The following INTS7 variants were observed in gnomAD, a reference collection of about 807,000 sequenced individuals.
INTS7 encodes the protein integrator complex subunit 7.
Under a neutral mutation model 109.2 loss-of-function variants are expected in INTS7, and 46 were observed. That is an observed-to-expected ratio of 0.42 (90% confidence interval 0.33 to 0.54). The LOEUF (loss-of-function observed/expected upper bound fraction) is 0.54. Among genes scored for constraint, INTS7 ranks in the 20% least tolerant of loss-of-function variants. The probability of loss-of-function intolerance (pLI) is 0.07; values close to 1 mark genes in which losing one functional copy is unlikely to be tolerated. For synonymous variants in INTS7, 412 were observed against 402.9 expected (o/e 1.02, Z -0.27); for missense variants, 929 against 1,132.4 (o/e 0.82, Z 2.58).
At chr1:212,034,083 C>CA (rs543529557) in intron 1 of INTS7, among the ~76,000 whole-genome samples, 22 of 145,932 alleles carry the variant, frequency 1.5e-4, no homozygotes, top group East Asian at 5.9e-4. Context: ...ACTCTGTCTC[C>CA]AAAAAAAAAG....
intron 5 of INTS7, among the ~76,000 whole-genome samples, chr1:212,009,053 A>C (rs1666055662): frequency 6.6e-6 from 1 of 152,158 alleles, no homozygotes; most frequent in African/African-American, 2.4e-5. Context: ...TTGTGTTTAC[A>C]GGCATCTTTA....
chr1:211,981,222 C>A, intron 9 of INTS7, 32 bp from the exon 10 acceptor site: 2 of 1,385,816 alleles, frequency 1.4e-6, no homozygotes, highest in South Asian at 2.3e-5. Flanking sequence ...TTATGATGGT[C>A]AAGTGATGTG....
chr1:211,962,436 G>A (rs1663676954), intron 16 of INTS7, among the ~76,000 whole-genome samples: 1 of 152,140 alleles, frequency 6.6e-6, no homozygotes, highest in East Asian at 1.9e-4. Context: ...ATAATGGTGA[G>A]AGAATTCAAC....
intron 16 of INTS7, 23 bp downstream of exon 16, chr1:211,966,407 A>C: frequency 1.5e-6 from 2 of 1,345,170 alleles, no homozygotes; most frequent in South Asian, 1.2e-5. Context: ...TGTAACGCCA[A>C]CTATTATTAA....
At chr1:211,984,708 C>T (rs955856601) in intron 8 of INTS7, among the ~76,000 whole-genome samples, 1 of 152,074 alleles carries the variant, frequency 6.6e-6, no homozygotes, top group African/African-American at 2.4e-5. Context: ...GTTTTCCTCC[C>T]CCACCCAATG....
chr1:211,993,684 A>C lies in INTS7; in HGVS notation c.880-5681T>G, dbSNP rs1329551906. On this transcript the variant is annotated intron_variant, in intron 7 of 19. Transcript: ENST00000366994. ...GACAGGGTGAGACTAAAACTCAAAA[A>C]AAAAAAAAAAAAAAGACTACAGCAT... 5.9e-5 allele frequency among the ~76,000 whole-genome samples: 9 copies of C among 151,684 alleles called. No homozygotes were observed. The East Asian group carries it at 1.7e-3, about 29-fold the overall frequency.
At chr1:211,948,891 G>A (rs1662960327) in intron 17 of INTS7, among the ~76,000 whole-genome samples, 1 of 152,304 alleles carries the variant, frequency 6.6e-6, no homozygotes, top group African/African-American at 2.4e-5. Flanking sequence ...ATTTTTAGTA[G>A]AGACAGGGTT....
At chr1:211,963,262 A>T (rs1429301953) in intron 16 of INTS7, among the ~76,000 whole-genome samples, 1 of 152,148 alleles carries the variant, frequency 6.6e-6, no homozygotes, top group Non-Finnish European at 1.5e-5. Flanking sequence ...ATTCCTGAAC[A>T]TACACTCTCT....
rs567584947 is a variant in INTS7 at position 211,967,616 on chromosome 1, T to C, written c.2114+262A>G. Among the ~76,000 whole-genome samples the C allele has an allele frequency of 3.6e-4, 55 of 152,284 alleles. 2 individuals are homozygous for C. In the South Asian group the frequency reaches 0.011, roughly 30 times the overall value. ...CTGTTGTAGCTCAAGTGAGCACAGG[T>C]AAGCAACACTGGCTTTGGATGTTGC... On this transcript the variant is annotated intron_variant, in intron 15 of 19. Transcript: ENST00000366994.
rs1244297282 is a variant in INTS7, at chr1:211,946,717, AAG to A, written c.2317-14_2317-13del. 5 of 1,572,760 alleles carry A rather than the reference AAG, an allele frequency of 3.2e-6. No homozygotes were observed. The East Asian group carries it at 1.1e-4, about 35-fold the overall frequency. On this transcript the variant is annotated splice_polypyrimidine_tract_variant and intron_variant, in intron 17 of 19. Transcript: ENST00000366994. This position sits in a 1 kb window ranked among gnomAD's most constrained non-coding sequence, Gnocchi z 4.3. ...AGGCATGCTGTGTGCTGGGGGAAAA[AAG>A]AAACTAAATCAAATAAAAATAAATT...
chr1:211,982,800 A>G lies in INTS7; in HGVS notation c.1008T>C (p.Ser336=). 6.2e-7 allele frequency: 1 copy of G among 1,604,194 alleles called. No homozygotes were observed. Among genetic ancestry groups the G allele is most frequent in the Non-Finnish European group, 8.5e-7 (1 of 1,175,304 alleles). ...HYFSIVPGNV[S]SSPRSSDLVK... is the part of the protein sequence containing the mutation. ...CTAAATCAGAAGATCTGGGAGAAGA[A>G]CTCACATTTCCTAAAAAAGCAGAGA... Residue 336 remains serine, a synonymous_variant, in exon 9 of 20, where the codon AGT becomes AGC. Transcript: ENST00000366994.
In INTS7 at chr1:211,976,624, A is replaced by G; in HGVS notation, c.1566T>C (p.Asn522=). ...VIKQQLESVS[N]GWTVYRIARQ... is the part of the protein sequence containing the mutation. ...TGGCAATACGGTATACAGTCCATCCATTGGAGACACTTTCAAGCTGCTGCT... is the reference window on the plus strand; with the variant it reads ...TGGCAATACGGTATACAGTCCATCCGTTGGAGACACTTTCAAGCTGCTGCT... The change falls in exon 12 of 20, where the codon AAT becomes AAC. Residue 522 remains asparagine, a synonymous_variant. Coordinates refer to ENST00000366994, the MANE Select transcript of INTS7 (RefSeq NM_015434.4). 4 of 1,614,084 alleles carry G rather than the reference A, an allele frequency of 2.5e-6. No homozygotes were observed. The highest frequency in any genetic ancestry group is 2.2e-5 in the East Asian group (1 of 44,868).
chr1:211,951,318 T>A (rs780452019), intron 17 of INTS7, among the ~76,000 whole-genome samples: 2 of 151,980 alleles, frequency 1.3e-5, no homozygotes, highest in Non-Finnish European at 2.9e-5. Flanking sequence ...TTTGGTTGGT[T>A]TTTTTTTGAG....
At chr1:211,966,392 T>C (rs1488395003) in intron 16 of INTS7, 38 bp downstream of exon 16, 6 of 1,121,876 alleles carry the variant, frequency 5.3e-6, no homozygotes, top group Non-Finnish European at 8.1e-6. Flanking sequence ...GTATAGAAAG[T>C]GTTCTGTAAC....
chr1:211,955,133 G>T (rs1372979696), intron 16 of INTS7, among the ~76,000 whole-genome samples: 2 of 152,060 alleles, frequency 1.3e-5, no homozygotes, highest in East Asian at 3.9e-4. Flanking sequence ...GGATTCCTAG[G>T]TATTTTATTC....
At chr1:212,021,004 C>T in intron 2 of INTS7, 79 bp downstream of exon 2, 1 of 1,359,634 alleles carries the variant, frequency 7.4e-7, no homozygotes, top group Non-Finnish European at 1.0e-6. Flanking sequence ...TACTAAAAGG[C>T]AAAAAGAAAA....
intron 17 of INTS7, among the ~76,000 whole-genome samples, chr1:211,949,169 CTTT>C (rs1307438791): frequency 6.6e-6 from 1 of 152,182 alleles, no homozygotes. Flanking sequence ...AGAGCCTCTT[CTTT>C]TGTGTGTTCC....
chr1:211,998,115 T>C (rs1396065105), intron 7 of INTS7, among the ~76,000 whole-genome samples: 1 of 152,196 alleles, frequency 6.6e-6, no homozygotes, highest in Non-Finnish European at 1.5e-5. Flanking sequence ...TATACCACTA[T>C]GCCTAGCTGA....
chr1:212,009,089 T>C (rs759021574), intron 5 of INTS7, among the ~76,000 whole-genome samples: 3 of 152,072 alleles, frequency 2.0e-5, no homozygotes, highest in Non-Finnish European at 2.9e-5. Context: ...GGCTCGGAGA[T>C]TTTACTTGGC....
Sources: gnomAD v4.1 joint callset for allele counts (sites outside exome capture counted in the v4.1 genomes callset) on GRCh38, gnomAD v4.1.1 for gene constraint, Gnocchi (gnomAD v3.1) non-coding constraint, MANE v1.5 for transcripts, NCBI Gene and HGNC (gene_info 2026-07-23, HGNC 2026-07-21) for gene names.